Variants in SYN3 observed in about 807,000 individuals in gnomAD.
SYN3 encodes the protein synapsin-3.
SYN3 carries 35 observed loss-of-function variants against 65.8 expected under a neutral mutation model. The ratio of observed to expected loss-of-function variants is 0.53; its 90% CI spans 0.41 to 0.70. SYN3 has a LOEUF of 0.70. Ranked by LOEUF, SYN3 falls within the 30% of genes least tolerant of loss-of-function variation. The probability of loss-of-function intolerance (pLI) is 0.00; values close to 1 mark genes in which losing one functional copy is unlikely to be tolerated. For missense variants in SYN3, 680 were observed against 749.0 expected (o/e 0.91, Z 1.08); for synonymous variants, 270 against 292.9 (o/e 0.92, Z 0.80).
At chr22:32,745,563 T>A (rs910939565) in intron 6 of SYN3, among the ~76,000 whole-genome samples, 12 of 152,140 alleles carry the variant, frequency 7.9e-5, no homozygotes. Flanking sequence ...AACTGGTGAC[T>A]GGAAACTCGG....
At chr22:32,945,129 T>C (rs1033261239) in intron 3 of SYN3, among the ~76,000 whole-genome samples, 4 of 152,214 alleles carry the variant, frequency 2.6e-5, no homozygotes, top group African/African-American at 9.6e-5. Context: ...AGGCAATTTA[T>C]GGATTCAATG....
chr22:32,968,175 C>G (rs775416399), intron 3 of SYN3, among the ~76,000 whole-genome samples: 25 of 152,200 alleles, frequency 1.6e-4, no homozygotes, highest in Non-Finnish European at 2.8e-4. Context: ...TAGGTCATCT[C>G]TTCTCCTCCA....
At chr22:32,642,699 A>T (rs1295796271) in intron 6 of SYN3, among the ~76,000 whole-genome samples, 1 of 152,024 alleles carries the variant, frequency 6.6e-6, no homozygotes, top group Non-Finnish European at 1.5e-5. Flanking sequence ...AAGTGCTGGG[A>T]TTACAAGCGT....
intron 6 of SYN3, among the ~76,000 whole-genome samples, chr22:32,649,026 G>A (rs947484199): frequency 3.3e-5 from 5 of 152,154 alleles, no homozygotes; most frequent in Admixed American, 6.5e-5. Context: ...TTGTATCATC[G>A]TTCCTAATTC....
intron 4 of SYN3, among the ~76,000 whole-genome samples, chr22:32,904,720 C>T (rs2049855271): frequency 6.6e-6 from 1 of 152,160 alleles, no homozygotes; most frequent in Non-Finnish European, 1.5e-5. Flanking sequence ...CAGTTTCTTC[C>T]TTCCACTCCA....
intron 6 of SYN3, among the ~76,000 whole-genome samples, chr22:32,697,479 A>T (rs2060752328): frequency 6.6e-6 from 1 of 152,196 alleles, no homozygotes; most frequent in African/African-American, 2.4e-5. Flanking sequence ...GGCATTCCAT[A>T]TTTTTTGAAT....
chr22:32,581,040 T>C (rs992941921), intron 7 of SYN3, among the ~76,000 whole-genome samples: 4 of 152,192 alleles, frequency 2.6e-5, no homozygotes, highest in Admixed American at 2.6e-4. Flanking sequence ...ATCTACAATT[T>C]TTTAAGAGTG....
In SYN3 at chr22:32,541,662, T is replaced by C. The variant is rs763169451; in HGVS notation, c.826A>G (p.Met276Val). 5.0e-6 allele frequency: 8 copies of C among 1,613,884 alleles called. 1 individual carries two copies. The Admixed American group carries it at 1.3e-4, about 27-fold the overall frequency. Residue 276 changes from methionine (M) to valine (V), a missense_variant, in exon 8 of 14, where the codon ATG becomes GTG. Physicochemically the swap from Met to Val is conservative, Grantham distance 21. Coordinates refer to ENST00000358763, the MANE Select transcript of SYN3 (RefSeq NM_003490.4). ...TCGGTGGTGGCGTAGGTTTTGGCCATGGCGACCACGCTGGTGATGTCCTGG... is the reference window on the plus strand; with the variant it reads ...TCGGTGGTGGCGTAGGTTTTGGCCACGGCGACCACGCTGGTGATGTCCTGG... ...DFQDITSVVA[M>V]AKTYATTEAF... is the part of the protein sequence containing the mutation.
chr22:32,714,375 C>A (rs756269017), intron 6 of SYN3, among the ~76,000 whole-genome samples: 1 of 152,116 alleles, frequency 6.6e-6, no homozygotes, highest in Non-Finnish European at 1.5e-5. Flanking sequence ...TCTCTAAGGA[C>A]CCTTTCATAA....
At position 33,006,678 on chromosome 22, in the gene SYN3, G is replaced by A. The variant is rs752154483; in HGVS notation, c.-16C>T. ...GGAAATTCATGGCTGTGGATGGATG[G>A]AGATGACTGGCTCCTACCCAGACGT... On this transcript the variant is annotated 5_prime_UTR_variant, in exon 2 of 14. Coordinates refer to ENST00000358763, the MANE Select transcript of SYN3 (RefSeq NM_003490.4). 6.4e-7 allele frequency: 1 copy of A among 1,559,120 alleles called. No homozygotes were observed. The highest frequency in any genetic ancestry group is 8.7e-7 in the Non-Finnish European group (1 of 1,151,836).
Position 32,533,912 on chromosome 22 carries a change from A to G in SYN3, c.993-17T>C. On this transcript the variant is annotated splice_polypyrimidine_tract_variant and intron_variant, in intron 9 of 13. Transcript: ENST00000358763. ...AGCCTGTACCTGCAGGGACAGATGG[A>G]CAGACAGTGAAGTGGCCTGGGAAAG... The G allele has an allele frequency of 3.1e-6, 5 of 1,592,340 alleles. No individual in the cohort carries two copies. Among genetic ancestry groups the G allele is most frequent in the Non-Finnish European group, 3.4e-6 (4 of 1,161,574 alleles).
intron 6 of SYN3, among the ~76,000 whole-genome samples, chr22:32,789,976 A>G (rs543455460): frequency 4.6e-5 from 7 of 152,326 alleles, no homozygotes; most frequent in Non-Finnish European, 7.3e-5. Context: ...CGCTTTCCAC[A>G]TATATCATCT....
intron 6 of SYN3, among the ~76,000 whole-genome samples, chr22:32,649,339 G>A (rs544499446): frequency 4.6e-5 from 7 of 152,262 alleles, no homozygotes; most frequent in South Asian, 2.1e-4. Flanking sequence ...TTTTTAAGCC[G>A]CCGAGCTTTG....
At chr22:32,734,814 G>C (rs542595240) in intron 6 of SYN3, among the ~76,000 whole-genome samples, 13 of 152,248 alleles carry the variant, frequency 8.5e-5, no homozygotes, top group African/African-American at 3.1e-4. Flanking sequence ...TGTTATCCAG[G>C]AGTCCTTCCT....
intron 6 of SYN3, among the ~76,000 whole-genome samples, chr22:32,718,691 G>A (rs1389250635): frequency 6.7e-6 from 1 of 150,208 alleles, no homozygotes; most frequent in African/African-American, 2.4e-5. Flanking sequence ...ACTGAATAAT[G>A]AAATAACTCA....
intron 6 of SYN3, among the ~76,000 whole-genome samples, chr22:32,827,446 G>C (rs1487540090): frequency 6.6e-6 from 1 of 152,136 alleles, no homozygotes; most frequent in African/African-American, 2.4e-5. Flanking sequence ...GCTCCTACTT[G>C]TACAAATGGA....
chr22:33,036,777 C>T lies in SYN3; in HGVS notation c.-163+21515G>A, dbSNP rs559829055. 4.6e-5 allele frequency among the ~76,000 whole-genome samples: 7 copies of T among 151,422 alleles called. No homozygotes were observed. The South Asian group carries it at 8.4e-4, about 18-fold the overall frequency. On this transcript the variant is annotated intron_variant, in intron 1 of 13. Transcript: ENST00000358763. ...CGCGATCTCGGCCCACCACAACCTC[C>T]GCCTCCCAGGTTCAATTGATTCTCC... is the stretch of plus-strand genomic sequence containing the variant.
chr22:32,874,089 G>C (rs754863874), intron 4 of SYN3, among the ~76,000 whole-genome samples: 2 of 152,222 alleles, frequency 1.3e-5, no homozygotes, highest in Non-Finnish European at 2.9e-5. Context: ...AGCCGAGATC[G>C]TGTCACTGCC....
intron 6 of SYN3, among the ~76,000 whole-genome samples, chr22:32,621,296 C>A (rs1259534653): frequency 1.8e-5 from 2 of 110,520 alleles, no homozygotes; most frequent in East Asian, 4.5e-4. Flanking sequence ...GTAACTTTTG[C>A]CTTTTTTTTT....
Sources: allele counts gnomAD v4.1 joint callset (sites outside exome capture counted in the v4.1 genomes callset), GRCh38; gene constraint gnomAD v4.1.1; transcripts MANE v1.5; gene names NCBI Gene and HGNC (gene_info 2026-07-23, HGNC 2026-07-21).